The following FUT9 variants were observed in gnomAD, a reference collection of about 807,000 sequenced individuals.
FUT9 encodes fucosyltransferase 9, also known as 4-galactosyl-N-acetylglucosaminide 3-alpha-L-fucosyltransferase 9.
In FUT9, 15 loss-of-function variants were observed where a neutral mutation model predicts 29.7. The observed-to-expected ratio is 0.51, with a 90% CI of 0.34 to 0.78. The LOEUF (loss-of-function observed/expected upper bound fraction) is 0.78, where lower values mean the gene tolerates loss of function less well. Among genes scored for constraint, FUT9 ranks in the 30% least tolerant of loss-of-function variants. The probability of loss-of-function intolerance (pLI) is 0.01; values close to 1 mark genes in which losing one functional copy is unlikely to be tolerated. For synonymous variants in FUT9, 169 were observed against 153.7 expected, an observed-to-expected ratio of 1.10 and a Z score of -0.74; for missense variants, 319 against 425.4, an observed-to-expected ratio of 0.75 and a Z score of 2.20.
Position 96,210,382 on chromosome 6 carries a change from T to C in FUT9, c.*6147T>C, listed in dbSNP as rs1221680537. 6.0e-6 allele frequency: 1 copy of C among 166,896 alleles called. No individual in the cohort carries two copies. Among genetic ancestry groups the C allele is most frequent in the Non-Finnish European group, 1.5e-5 (1 of 68,034 alleles). 10.3% of individuals were successfully genotyped at this position (166,896 alleles called of 1,614,324 possible). ...TCCAGTTGCGAGTTGCTTATAGTAG[T>C]TCGCGAACCTGAATGCACATTAGAA... On this transcript the variant is annotated 3_prime_UTR_variant, in exon 3 of 3. Coordinates refer to ENST00000302103, the MANE Select transcript of FUT9 (RefSeq NM_006581.4).
intron 2 of FUT9, among the ~76,000 whole-genome samples, chr6:96,174,262 C>T (rs943608421): frequency 6.6e-5 from 10 of 152,114 alleles, no homozygotes; most frequent in Admixed American, 5.2e-4. Context: ...AAGGGCAGCA[C>T]ATTATTATAG....
rs565282091 is a variant in FUT9, at chr6:96,209,406, C to T, written c.*5171C>T. ...ACTGACATTCCTCCTGTATTTCCTC[C>T]CTCCCCTTAGTTGTCTATGACTTTT... On this transcript the variant is annotated 3_prime_UTR_variant, in exon 3 of 3. Coordinates refer to ENST00000302103, the MANE Select transcript of FUT9 (RefSeq NM_006581.4). 6.0e-6 allele frequency: 1 copy of T among 166,892 alleles called. No homozygotes were observed. Among genetic ancestry groups the T allele is most frequent in the East Asian group, 1.9e-4 (1 of 5,188 alleles). The allele number at this position is 166,892 out of a possible 1,614,324, so 10.3% of individuals were successfully genotyped here.
chr6:96,017,305 T>C (rs925246566), intron 1 of FUT9, among the ~76,000 whole-genome samples: 1 of 152,228 alleles, frequency 6.6e-6, no homozygotes, highest in Admixed American at 6.5e-5. Flanking sequence ...TTTGGGTGCT[T>C]CCAGAGTTGT....
chr6:96,080,104 T>C (rs903517799), intron 1 of FUT9, among the ~76,000 whole-genome samples: 2 of 151,974 alleles, frequency 1.3e-5, no homozygotes, highest in African/African-American at 4.8e-5. Context: ...AGAAGTTATA[T>C]TTGAACAAAT....
chr6:96,086,266 C>T (rs1771315082), intron 1 of FUT9, among the ~76,000 whole-genome samples: 1 of 152,168 alleles, frequency 6.6e-6, no homozygotes, highest in South Asian at 2.1e-4. Context: ...AGTGTTCCTT[C>T]CGTTTGCATT....
At position 96,167,154 on chromosome 6, in the gene FUT9, C is replaced by T. The variant is rs539131916; in HGVS notation, c.-8-35994C>T. 1.0e-3 allele frequency among the ~76,000 whole-genome samples: 154 copies of T among 152,138 alleles called. 4 individuals are homozygous for T. Among genetic ancestry groups the T allele is most frequent in the Non-Finnish European group, 6.9e-4 (47 of 67,984 alleles). On this transcript the variant is annotated intron_variant, in intron 2 of 2. Coordinates refer to ENST00000302103, the MANE Select transcript of FUT9 (RefSeq NM_006581.4). ...ATGGTTATTTTAAGTTTGAGAGAAGCAATGTAATTAAGAATAATTTAAAGT... is the reference window on the plus strand; with the variant it reads ...ATGGTTATTTTAAGTTTGAGAGAAGTAATGTAATTAAGAATAATTTAAAGT...
In FUT9 at chr6:96,211,774, G is replaced by A. The variant is rs1417586918; in HGVS notation, c.*7539G>A. 1 of 226,886 alleles carries A rather than the reference G, an allele frequency of 4.4e-6. No homozygotes were observed. The highest frequency in any genetic ancestry group is 1.0e-4 in the East Asian group (1 of 9,952). 14.1% of individuals were successfully genotyped at this position (226,886 alleles called of 1,614,324 possible). ...TATTTTTCTATATGAAAAAGAGAAT[G>A]ATATTCAAAATAGTATTTTTAAGTA... On this transcript the variant is annotated 3_prime_UTR_variant, in exon 3 of 3. Transcript: ENST00000302103.
chr6:96,066,127 G>A (rs1428378583), intron 1 of FUT9, among the ~76,000 whole-genome samples: 1 of 151,916 alleles, frequency 6.6e-6, no homozygotes, highest in Non-Finnish European at 1.5e-5. Context: ...ATTTTTGAGT[G>A]GTTATTGTGT....
intron 1 of FUT9, among the ~76,000 whole-genome samples, chr6:96,096,684 A>ATGTGTGTGTGTGTGTGTG (rs1243489757): frequency 0.11 from 16,081 of 140,648 alleles, 1,357 homozygotes; most frequent in African/African-American, 0.22. Context: ...TGTCTAAGGC[A>ATGTGTGTGTGTGTGTGTG]TGTGTGTGTG....
intron 1 of FUT9, among the ~76,000 whole-genome samples, chr6:96,057,199 A>C (rs1190172979): frequency 6.6e-6 from 1 of 152,200 alleles, no homozygotes; most frequent in Non-Finnish European, 1.5e-5. Flanking sequence ...AATTGTGGAT[A>C]ATAATAATAA....
intron 2 of FUT9, among the ~76,000 whole-genome samples, chr6:96,143,765 A>G (rs1772510408): frequency 6.6e-6 from 1 of 152,168 alleles, no homozygotes; most frequent in African/African-American, 2.4e-5. Context: ...AAGATGGCTG[A>G]GTCACTGTTT....
intron 1 of FUT9, among the ~76,000 whole-genome samples, chr6:96,080,150 A>G (rs1771210613): frequency 6.6e-6 from 1 of 151,974 alleles, no homozygotes; most frequent in Non-Finnish European, 1.5e-5. Context: ...CCAGTATTCA[A>G]CATTTTATTT....
chr6:96,152,560 G>A (rs1270654810), intron 2 of FUT9, among the ~76,000 whole-genome samples: 3 of 152,148 alleles, frequency 2.0e-5, no homozygotes, highest in Non-Finnish European at 4.4e-5. Context: ...AGTGGGGCTT[G>A]AAAAATCTGG....
At chr6:96,074,833 G>A (rs1159645362) in intron 1 of FUT9, among the ~76,000 whole-genome samples, 1 of 152,044 alleles carries the variant, frequency 6.6e-6, no homozygotes, top group Non-Finnish European at 1.5e-5. Context: ...CTGGAGTGCT[G>A]TGGTATGAAC....
chr6:96,021,266 T>TTTGTTGTTG (rs1554187068), intron 1 of FUT9, among the ~76,000 whole-genome samples: 1 of 151,946 alleles, frequency 6.6e-6, no homozygotes, highest in African/African-American at 2.4e-5. Context: ...GACAGAGTTT[T>TTTGTTGTTG]TTGTTGTTGT....
At chr6:96,087,050 A>G (rs1771327662) in intron 1 of FUT9, among the ~76,000 whole-genome samples, 1 of 152,176 alleles carries the variant, frequency 6.6e-6, no homozygotes, top group Non-Finnish European at 1.5e-5. Flanking sequence ...ATATGGGTGA[A>G]GACCAGTTCT....
At chr6:96,087,694 A>T (rs943832602) in intron 1 of FUT9, among the ~76,000 whole-genome samples, 6 of 152,130 alleles carry the variant, frequency 3.9e-5, no homozygotes, top group Admixed American at 1.3e-4. Context: ...CTATTATCAT[A>T]CATTTTACCT....
intron 1 of FUT9, among the ~76,000 whole-genome samples, chr6:96,103,629 A>G (rs1473697389): frequency 4.6e-5 from 7 of 152,160 alleles, no homozygotes; most frequent in Admixed American, 4.6e-4. Context: ...GTGGCAGCTT[A>G]ACTACAATCT....
At chr6:96,140,521 A>T (rs1562139874) in intron 2 of FUT9, among the ~76,000 whole-genome samples, 1 of 152,216 alleles carries the variant, frequency 6.6e-6, no homozygotes, top group Non-Finnish European at 1.5e-5. Flanking sequence ...TCACACTGCT[A>T]TGAAGAAATA....
Sources: gnomAD v4.1 joint callset for allele counts (sites outside exome capture counted in the v4.1 genomes callset) on GRCh38, gnomAD v4.1.1 for gene constraint, MANE v1.5 for transcripts, NCBI Gene and HGNC (gene_info 2026-07-23, HGNC 2026-07-21) for gene names.